The following GAB1 variants were observed in gnomAD, a reference collection of about 807,000 sequenced individuals.
GAB1 encodes the protein GRB2-associated-binding protein 1.
In GAB1, 19 loss-of-function variants were observed where a neutral mutation model predicts 66.5. That is an observed-to-expected ratio of 0.29 (90% confidence interval 0.20 to 0.42). GAB1 has a LOEUF of 0.42. GAB1 is among the 10% of genes least tolerant of loss of function. The pLI is 1.00. For missense variants in GAB1, 732 were observed against 858.5 expected (o/e 0.85, Z 1.84); for synonymous variants, 294 against 301.4 (o/e 0.98, Z 0.25).
At chr4:143,401,437 GC>G (rs1391776064) in intron 1 of GAB1, among the ~76,000 whole-genome samples, 1 of 152,172 alleles carries the variant, frequency 6.6e-6, no homozygotes, top group Admixed American at 6.5e-5. Flanking sequence ...ACCAGATTGG[GC>G]AAGGCCTAAC....
intron 1 of GAB1, among the ~76,000 whole-genome samples, chr4:143,371,596 T>G (rs1730123410): frequency 6.6e-6 from 1 of 152,258 alleles, no homozygotes; most frequent in Non-Finnish European, 1.5e-5. Flanking sequence ...GCCATTGCTT[T>G]TGGTGTTTTA....
intron 1 of GAB1, among the ~76,000 whole-genome samples, chr4:143,376,162 A>T (rs1046355645): frequency 6.6e-6 from 1 of 152,184 alleles, no homozygotes; most frequent in Non-Finnish European, 1.5e-5. Flanking sequence ...TACCTGCAGA[A>T]CTATAACCTA....
chr4:143,351,756 G>A (rs1033337130), intron 1 of GAB1, among the ~76,000 whole-genome samples: 3 of 152,172 alleles, frequency 2.0e-5, no homozygotes, highest in African/African-American at 7.2e-5. Context: ...TACAGCTGGA[G>A]GGAGGAATGC....
chr4:143,436,794 A>G (rs2149752401), intron 3 of GAB1, among the ~76,000 whole-genome samples: 1 of 152,320 alleles, frequency 6.6e-6, no homozygotes, highest in Non-Finnish European at 1.5e-5. Flanking sequence ...GTAACCAAGT[A>G]GAAATATTAG....
intron 6 of GAB1, among the ~76,000 whole-genome samples, chr4:143,453,929 A>G (rs190965311): frequency 6.6e-6 from 1 of 152,312 alleles, no homozygotes; most frequent in Admixed American, 6.5e-5. Context: ...TCTAGTACCT[A>G]AGAACTCCTC....
rs142888812 is a variant in GAB1, at chr4:143,402,168, C to T, written c.73-13309C>T. Among the ~76,000 whole-genome samples the T allele has an allele frequency of 6.8e-3, 1,040 of 152,084 alleles. 5 individuals carry two copies. The highest frequency in any genetic ancestry group is 0.011 in the Non-Finnish European group (778 of 67,994). Reference sequence around the variant, plus strand: ...AAAAATTAATATCTAAGAATAACTTCGCATAAATTATAGAGACCAAATAGG... The same window carrying T: ...AAAAATTAATATCTAAGAATAACTTTGCATAAATTATAGAGACCAAATAGG... On this transcript the variant is annotated intron_variant, in intron 1 of 9. Transcript: ENST00000262994.
chr4:143,368,875 C>T (rs1357644055), intron 1 of GAB1, among the ~76,000 whole-genome samples: 1 of 152,110 alleles, frequency 6.6e-6, no homozygotes. Flanking sequence ...ACCTCTGTCT[C>T]CCAGGTTCAA....
rs148952550 is a variant in GAB1, at chr4:143,452,971, T to C, written c.1586-6414T>C. ...TTTCACACTTTTCTTCAGCAATCAG[T>C]AAAACATTGGCCTATTATATACAGG... On this transcript the variant is annotated intron_variant, in intron 6 of 9. Coordinates refer to ENST00000262994, the MANE Select transcript of GAB1 (RefSeq NM_002039.4). Among the ~76,000 whole-genome samples, 831 of 152,292 alleles carry C rather than the reference T, an allele frequency of 5.5e-3. 7 individuals are homozygous for C. The highest frequency in any genetic ancestry group is 0.018 in the African/African-American group (769 of 41,570).
At chr4:143,383,664 A>G (rs1730753691) in intron 1 of GAB1, among the ~76,000 whole-genome samples, 1 of 152,190 alleles carries the variant, frequency 6.6e-6, no homozygotes, top group Non-Finnish European at 1.5e-5. Flanking sequence ...GGCTTTTTTA[A>G]CATAACAATA....
At chr4:143,376,131 C>T (rs1730406184) in intron 1 of GAB1, among the ~76,000 whole-genome samples, 1 of 152,138 alleles carries the variant, frequency 6.6e-6, no homozygotes, top group African/African-American at 2.4e-5. Flanking sequence ...ACACCACCTC[C>T]ACCTTTATAC....
At chr4:143,455,983 G>A (rs1028378781) in intron 6 of GAB1, among the ~76,000 whole-genome samples, 2 of 152,206 alleles carry the variant, frequency 1.3e-5, no homozygotes, top group Non-Finnish European at 2.9e-5. Context: ...TCCGGTTAAA[G>A]TGTAACCTGA....
At chr4:143,411,438 G>A (rs146604303) in intron 1 of GAB1, among the ~76,000 whole-genome samples, 2 of 152,126 alleles carry the variant, frequency 1.3e-5, no homozygotes, top group African/African-American at 4.8e-5. Flanking sequence ...TTACCTGCTC[G>A]TAATGGAAGT....
Position 143,470,930 on chromosome 4 carries a change from C to G in GAB1, c.*1741C>G, listed in dbSNP as rs986549361. 8.6e-5 allele frequency: 13 copies of G among 151,998 alleles called. No individual in the cohort carries two copies. The highest frequency in any genetic ancestry group is 3.1e-4 in the African/African-American group (13 of 41,374). 9.4% of individuals were successfully genotyped at this position (151,998 alleles called of 1,614,324 possible). A position where few individuals can be genotyped will look rare whatever the true frequency, so the allele number is the denominator to read the frequency against. On this transcript the variant is annotated 3_prime_UTR_variant, in exon 10 of 10. Transcript: ENST00000262994. ...CTTCTTTTTAAACAAAAACTAAAAC[C>G]CAGAAGTGAATTTTTAGGTGGATTT...
rs1490093559 is a variant in GAB1, at chr4:143,438,473, T to G, written c.1068T>G (p.Pro356=). ...CACATCCAGCTCATGACCGATCTCC[T>G]GTGGAAACGTGTAGTATCCCACGCA... ...PKPHPAHDRS[P]VETCSIPRTA... is the part of the protein sequence containing the mutation. Residue 356 remains proline (P), a synonymous_variant, in exon 4 of 10, where the codon CCT becomes CCG. Coordinates refer to ENST00000262994, the MANE Select transcript of GAB1 (RefSeq NM_002039.4). The G allele has an allele frequency of 2.5e-6, 4 of 1,613,874 alleles. No individual in the cohort carries two copies. Among genetic ancestry groups the G allele is most frequent in the Non-Finnish European group, 3.4e-6 (4 of 1,179,976 alleles).
At chr4:143,434,183 G>C in intron 3 of GAB1, 8 of 1,250,508 alleles carry the variant, frequency 6.4e-6, no homozygotes, top group Non-Finnish European at 8.4e-6. Flanking sequence ...GTGTGTTGTG[G>C]TGGTTTTGGA....
At chr4:143,430,055 C>T (rs1340845744) in intron 2 of GAB1, among the ~76,000 whole-genome samples, 2 of 152,158 alleles carry the variant, frequency 1.3e-5, no homozygotes, top group Non-Finnish European at 2.9e-5. Flanking sequence ...ACTCGTTTTG[C>T]TTGATGTTCG....
chr4:143,350,378 C>G lies in GAB1; in HGVS notation c.72+13118C>G, dbSNP rs114404467. Among the ~76,000 whole-genome samples the G allele has an allele frequency of 2.6e-5, 4 of 152,258 alleles. No individual in the cohort carries two copies. In the South Asian group the frequency reaches 8.3e-4, roughly 32 times the overall value. On this transcript the variant is annotated intron_variant, in intron 1 of 9. Coordinates refer to ENST00000262994, the MANE Select transcript of GAB1 (RefSeq NM_002039.4). ...TCATGGCTTAGCTCACTAAAACACT[C>G]TTAAGGCTTTGTGTTTTAGGCTGGG...
intron 1 of GAB1, among the ~76,000 whole-genome samples, chr4:143,374,662 A>G (rs1025496166): frequency 3.3e-5 from 5 of 152,196 alleles, no homozygotes; most frequent in Non-Finnish European, 2.9e-5. Context: ...TCATTGTCCA[A>G]CCAAAGTTGC....
At chr4:143,373,020 T>A (rs1730203219) in intron 1 of GAB1, among the ~76,000 whole-genome samples, 1 of 150,236 alleles carries the variant, frequency 6.7e-6, no homozygotes, top group Admixed American at 6.7e-5. Context: ...TAGTAACGCA[T>A]CTGAGGATTG....
Sources: allele counts gnomAD v4.1 joint callset (sites outside exome capture counted in the v4.1 genomes callset), GRCh38; gene constraint gnomAD v4.1.1; transcripts MANE v1.5; gene names NCBI Gene and HGNC (gene_info 2026-07-23, HGNC 2026-07-21).